ENAH: variants seen among roughly 807,000 people sequenced by gnomAD.
The protein encoded by ENAH is ENAH actin regulator, also known as protein enabled homolog.
In ENAH, 23 loss-of-function variants were observed where a neutral mutation model predicts 78.7. That is an observed-to-expected ratio of 0.29 (90% CI 0.21 to 0.41). The LOEUF (loss-of-function observed/expected upper bound fraction) is 0.41, where lower values mean the gene tolerates loss of function less well. Ranked by LOEUF, ENAH falls within the 10% of genes least tolerant of loss-of-function variation. ENAH has a pLI of 1.00. For synonymous variants in ENAH, 226 were observed against 241.0 expected, an observed-to-expected ratio of 0.94 and a Z score of 0.58; for missense variants, 544 against 691.0, an observed-to-expected ratio of 0.79 and a Z score of 2.39.
chr1:225,603,966 T>C (rs955483535), intron 1 of ENAH, among the ~76,000 whole-genome samples: 2 of 152,248 alleles, frequency 1.3e-5, no homozygotes, highest in African/African-American at 4.8e-5. Context: ...TATTACCCAG[T>C]AGCCTTTTGC....
rs777533344 is a variant in ENAH, at chr1:225,494,396, G to C, written c.*3379C>G. The C allele has an allele frequency of 1.6e-4, 25 of 152,066 alleles. No individual in the cohort carries two copies. The highest frequency in any genetic ancestry group is 3.1e-4 in the Non-Finnish European group (21 of 68,002). The allele number at this position is 152,066 out of a possible 1,614,324, so 9.4% of individuals were successfully genotyped here. On this transcript the variant is annotated 3_prime_UTR_variant, in exon 14 of 14. Coordinates refer to ENST00000366843, the MANE Select transcript of ENAH (RefSeq NM_018212.6). ...TACTTAAAATTCATTACTCAATAAT[G>C]CCCTTTACCACACAATGTCCTTTAC...
intron 4 of ENAH, among the ~76,000 whole-genome samples, chr1:225,528,177 T>G (rs993400874): frequency 2.6e-5 from 4 of 152,190 alleles, no homozygotes; most frequent in Admixed American, 6.5e-5. Context: ...GCCCATAATG[T>G]TCACTGTGGA....
chr1:225,638,983 C>A (rs1021375012), intron 1 of ENAH, among the ~76,000 whole-genome samples: 3 of 152,166 alleles, frequency 2.0e-5, no homozygotes, highest in Non-Finnish European at 4.4e-5. Context: ...CCTCCCAAAG[C>A]AGCATTAGCC....
At position 225,558,694 on chromosome 1, in the gene ENAH, C is replaced by A. The variant is rs139781014; in HGVS notation, c.172-3611G>T. On this transcript the variant is annotated intron_variant, in intron 2 of 13. Coordinates refer to ENST00000366843, the MANE Select transcript of ENAH (RefSeq NM_018212.6). ...TGTCGCCCAGGCTGGAGTGCAGTGG[C>A]GCGATCTCGGCTCACTGCAAACTCC... is the stretch of plus-strand genomic sequence containing the variant. 2.0e-3 allele frequency among the ~76,000 whole-genome samples: 247 copies of A among 121,526 alleles called. 1 individual carries two copies. Among genetic ancestry groups the A allele is most frequent in the Non-Finnish European group, 3.3e-3 (209 of 63,282 alleles). 79.7% of individuals were successfully genotyped at this position (121,526 alleles called of 152,430 possible). A position where few individuals can be genotyped will look rare whatever the true frequency, so the allele number is the denominator to read the frequency against.
chr1:225,622,552 C>T (rs751453223), intron 1 of ENAH, among the ~76,000 whole-genome samples: 13 of 152,170 alleles, frequency 8.5e-5, no homozygotes, highest in Non-Finnish European at 1.8e-4. Context: ...GTACTGCTCA[C>T]AGCTCTGGAG....
intron 3 of ENAH, among the ~76,000 whole-genome samples, chr1:225,553,358 T>A (rs1245945672): frequency 6.6e-6 from 1 of 152,176 alleles, no homozygotes; most frequent in South Asian, 2.1e-4. Flanking sequence ...AATAATAAAA[T>A]TTTAACTACT....
chr1:225,549,608 A>C (rs2096632057), intron 3 of ENAH, among the ~76,000 whole-genome samples: 1 of 152,210 alleles, frequency 6.6e-6, no homozygotes. Flanking sequence ...TTTCTAAAAC[A>C]AGGATAATAC....
At chr1:225,530,698 G>C (rs892095381) in intron 3 of ENAH, 60 bp from the exon 4 acceptor site, 2 of 1,278,634 alleles carry the variant, frequency 1.6e-6, no homozygotes, top group Non-Finnish European at 2.3e-6. Flanking sequence ...GGACAGAGGA[G>C]ATAAAATCAT....
At chr1:225,562,526 C>G (rs889736128) in intron 2 of ENAH, among the ~76,000 whole-genome samples, 2 of 119,530 alleles carry the variant, frequency 1.7e-5, no homozygotes, top group Non-Finnish European at 3.2e-5. Flanking sequence ...GAGCTGAGAT[C>G]GAGCCACTGC....
intron 1 of ENAH, among the ~76,000 whole-genome samples, chr1:225,585,215 C>CAAAAAAAA (rs58586397): frequency 1.0e-4 from 5 of 49,918 alleles, no homozygotes; most frequent in Non-Finnish European, 1.0e-4. Flanking sequence ...TACCCTGTCT[C>CAAAAAAAA]AAAAAAAAAA....
chr1:225,570,273 T>C (rs567257949), intron 1 of ENAH, among the ~76,000 whole-genome samples: 9 of 151,904 alleles, frequency 5.9e-5, no homozygotes, highest in Non-Finnish European at 8.8e-5. Context: ...CAAATGCAAC[T>C]CAGTCCTCTT....
chr1:225,542,057 T>C (rs915706999), intron 3 of ENAH, among the ~76,000 whole-genome samples: 1 of 152,118 alleles, frequency 6.6e-6, no homozygotes, highest in Non-Finnish European at 1.5e-5. Flanking sequence ...ACTTTTTAAT[T>C]TTTTGGAAGA....
intron 7 of ENAH, among the ~76,000 whole-genome samples, chr1:225,514,288 T>C (rs995624066): frequency 6.6e-6 from 1 of 152,022 alleles, no homozygotes; most frequent in Non-Finnish European, 1.5e-5. Flanking sequence ...TGCCTCAGCC[T>C]CCCGAGCAGC....
At chr1:225,517,819 G>A (rs780907212) in intron 5 of ENAH, 6 of 1,551,438 alleles carry the variant, frequency 3.9e-6, no homozygotes, top group Non-Finnish European at 4.4e-6. Flanking sequence ...CAGTGGTGGT[G>A]TAGGGGGTGT....
intron 1 of ENAH, among the ~76,000 whole-genome samples, chr1:225,606,230 G>A (rs2096954857): frequency 6.6e-6 from 1 of 152,106 alleles, no homozygotes; most frequent in South Asian, 2.1e-4. Flanking sequence ...GGAAGGCCGA[G>A]GCAGGTGGAT....
intron 1 of ENAH, among the ~76,000 whole-genome samples, chr1:225,575,288 T>C (rs544186808): frequency 6.6e-6 from 1 of 152,332 alleles, no homozygotes; most frequent in Non-Finnish European, 1.5e-5. Context: ...AAAATCTCCT[T>C]ACCTGTATCT....
intron 1 of ENAH, among the ~76,000 whole-genome samples, chr1:225,574,165 A>G (rs1203579030): frequency 6.6e-6 from 1 of 152,220 alleles, no homozygotes; most frequent in Non-Finnish European, 1.5e-5. Context: ...GGCTATGTCT[A>G]CAATATTATG....
intron 5 of ENAH, chr1:225,518,128 C>T: frequency 1.5e-6 from 1 of 670,600 alleles, no homozygotes. Flanking sequence ...GAATTAGGCA[C>T]AAACGCAAAT....
chr1:225,487,250 T>C lies in ENAH; in HGVS notation c.*10525A>G, dbSNP rs1375014833. 1 of 152,214 alleles carries C rather than the reference T, an allele frequency of 6.6e-6. No homozygotes were observed. The highest frequency in any genetic ancestry group is 2.4e-5 in the African/African-American group (1 of 41,450). 9.4% of individuals were successfully genotyped at this position (152,214 alleles called of 1,614,324 possible). A position where few individuals can be genotyped will look rare whatever the true frequency, so the allele number is the denominator to read the frequency against. ...CCTTCCTAGGTTGGCTCACAAGTGG[T>C]CCTCCTTTTTATTTATTCCTATATG... is the stretch of plus-strand genomic sequence containing the variant. On this transcript the variant is annotated 3_prime_UTR_variant, in exon 14 of 14. Transcript: ENST00000366843.
Sources: allele counts gnomAD v4.1 joint callset (sites outside exome capture counted in the v4.1 genomes callset), GRCh38; gene constraint gnomAD v4.1.1; transcripts MANE v1.5; gene names NCBI Gene and HGNC (gene_info 2026-07-23, HGNC 2026-07-21).